The following BIRC6 variants were observed in gnomAD, a reference collection of about 807,000 sequenced individuals.
BIRC6 encodes the protein baculoviral IAP repeat containing 6.
BIRC6 carries 98 observed loss-of-function variants against 503.3 expected under a neutral mutation model. The ratio of observed to expected loss-of-function variants is 0.19; its 90% CI spans 0.17 to 0.23. The LOEUF is 0.23. Among genes scored for constraint, BIRC6 ranks in the 10% least tolerant of loss-of-function variants. The pLI, the probability that BIRC6 is intolerant of heterozygous loss-of-function variation, is 1.00. For missense variants in BIRC6, 5,360 were observed against 5,806.0 expected, an observed-to-expected ratio of 0.92 and a Z score of 2.50; for synonymous variants, 2,240 against 2,078.7, an observed-to-expected ratio of 1.08 and a Z score of -2.11.
chr2:32,421,180 A>G (rs1032796401), intron 10 of BIRC6, among the ~76,000 whole-genome samples: 21 of 146,486 alleles, frequency 1.4e-4, no homozygotes, highest in Non-Finnish European at 2.8e-4. Context: ...GATCTTGGCT[A>G]ACTGCAACCT....
chr2:32,477,864 T>G (rs547872957), intron 35 of BIRC6, among the ~76,000 whole-genome samples: 4 of 152,330 alleles, frequency 2.6e-5, no homozygotes, highest in African/African-American at 9.6e-5. Flanking sequence ...GTTTTTTTAT[T>G]GTGTCTTAAA....
rs1334864350 is a variant in BIRC6 at position 32,453,906 on chromosome 2, A to G, written c.4717A>G (p.Thr1573Ala). 1.2e-6 allele frequency: 2 copies of G among 1,613,592 alleles called. No individual in the cohort carries two copies. The highest frequency in any genetic ancestry group is 4.5e-5 in the East Asian group (2 of 44,854). Residue 1573 changes from threonine (T) to alanine (A), a missense_variant, in exon 23 of 74, where the codon ACT becomes GCT. By Grantham distance (58) the Thr-to-Ala change is moderately conservative. This residue lies in a region of BIRC6 where 2,299 missense variants were observed against 2,267.2 expected (regional missense o/e 1.01). Transcript: ENST00000421745. ...ACCTCTGCACTTTACTTGTGTGTCA[A>G]CTAGTGATGGAACCAGAATAGAAAG... Reference protein sequence around the residue: ...VEPLHFTCVSTSDGTRIERDD... With the variant: ...VEPLHFTCVSASDGTRIERDD...
intron 65 of BIRC6, among the ~76,000 whole-genome samples, chr2:32,550,565 A>T (rs1159513439): frequency 6.6e-6 from 1 of 151,972 alleles, no homozygotes; most frequent in Non-Finnish European, 1.5e-5. Flanking sequence ...TTAATTTTAG[A>T]TTATATAGAA....
intron 40 of BIRC6, among the ~76,000 whole-genome samples, chr2:32,486,414 GCCATCA>G (rs2051000681): frequency 6.6e-6 from 1 of 152,188 alleles, no homozygotes; most frequent in Non-Finnish European, 1.5e-5. Context: ...GCCAGAGCTG[GCCATCA>G]CATTACGGTT....
intron 71 of BIRC6, among the ~76,000 whole-genome samples, chr2:32,605,144 A>G (rs1418681652): frequency 1.3e-5 from 2 of 152,000 alleles, no homozygotes; most frequent in African/African-American, 2.4e-5. Flanking sequence ...CAGCCTCCCA[A>G]AGTGTTAGGA....
At chr2:32,473,965 C>G (rs929715318) in intron 33 of BIRC6, among the ~76,000 whole-genome samples, 46 of 151,672 alleles carry the variant, frequency 3.0e-4, no homozygotes, top group Non-Finnish European at 5.7e-4. Context: ...CTTTGTTGCC[C>G]AGGCTGCTCT....
intron 70 of BIRC6, chr2:32,602,504 G>A (rs1312703515): frequency 6.6e-6 from 1 of 152,300 alleles, no homozygotes; most frequent in African/African-American, 2.4e-5. Context: ...GGAGGAATAG[G>A]TTCTGTTGTT....
intron 47 of BIRC6, among the ~76,000 whole-genome samples, chr2:32,502,508 G>A (rs894501249): frequency 3.3e-5 from 5 of 152,008 alleles, no homozygotes; most frequent in African/African-American, 9.7e-5. Context: ...AAAATACAAA[G>A]GTACTTTAAA....
At chr2:32,439,976 T>C (rs1268569004) in intron 16 of BIRC6, among the ~76,000 whole-genome samples, 1 of 152,184 alleles carries the variant, frequency 6.6e-6, no homozygotes, top group South Asian at 2.1e-4. Context: ...CCTCCCAGAT[T>C]CAAGCCATCC....
chr2:32,481,316 G>A lies in BIRC6; in HGVS notation c.7409-4G>A. On this transcript the variant is annotated splice_region_variant and splice_polypyrimidine_tract_variant and intron_variant, in intron 37 of 73. Coordinates refer to ENST00000421745, the MANE Select transcript of BIRC6 (RefSeq NM_016252.4). ...CCAATAAGATCACTTTTAATTATTT[G>A]AAGGTGCACCTCCTCTGTCCTCTTT... The A allele has an allele frequency of 6.4e-7, 1 of 1,574,360 alleles. No homozygotes were observed. The highest frequency in any genetic ancestry group is 1.2e-5 in the South Asian group (1 of 84,876).
At chr2:32,561,475 A>G (rs1180026161) in intron 65 of BIRC6, among the ~76,000 whole-genome samples, 1 of 151,738 alleles carries the variant, frequency 6.6e-6, no homozygotes. Flanking sequence ...TCTGACCTCA[A>G]ATGATCTGCC....
chr2:32,380,338 A>G (rs1370956182), intron 3 of BIRC6, 48 bp downstream of exon 3: 1 of 1,527,574 alleles, frequency 6.5e-7, no homozygotes, highest in Admixed American at 2.4e-5. Context: ...TACAATGGAC[A>G]CCTCCATTCT....
At position 32,450,829 on chromosome 2, in the gene BIRC6, T is replaced by C. The variant is rs189538131; in HGVS notation, c.4618+1901T>C. Reference sequence around the variant, plus strand: ...CCTTAAATCATTTCTACATCACTTATAATACCTAATACGATGTTAATGCTA... The same window carrying C: ...CCTTAAATCATTTCTACATCACTTACAATACCTAATACGATGTTAATGCTA... On this transcript the variant is annotated intron_variant, in intron 22 of 73. Coordinates refer to ENST00000421745, the MANE Select transcript of BIRC6 (RefSeq NM_016252.4). Among the ~76,000 whole-genome samples, 10 of 152,320 alleles carry C rather than the reference T, an allele frequency of 6.6e-5. No individual in the cohort carries two copies. In the East Asian group the frequency reaches 1.5e-3, roughly 23 times the overall value.
chr2:32,607,616 C>T lies in BIRC6; in HGVS notation c.14232C>T (p.Ile4744=), dbSNP rs56242351. The T allele has an allele frequency of 0.02, 31,602 of 1,610,176 alleles. 436 individuals are homozygous for T. The highest frequency in any genetic ancestry group is 0.024 in the Non-Finnish European group (28,561 of 1,177,832). The part of the protein sequence containing the change: ...ATVKWAMLEQ[I]RNPSPCFKEV... ...TTAAGTGGGCAATGCTAGAACAAAT[C>T]AGAAACCCTTCACCATGTTTTAAAG... Residue 4744 remains isoleucine (I), a synonymous_variant, in exon 72 of 74, where the codon ATC becomes ATT. Coordinates refer to ENST00000421745, the MANE Select transcript of BIRC6 (RefSeq NM_016252.4).
At position 32,357,122 on chromosome 2, in the gene BIRC6, C is replaced by A. The variant is rs2033170537; in HGVS notation, c.-40C>A. ...CCGCGTGCGTGCGGGCGCCTGACTT[C>A]ACTTCCGGCTAACGCGCTCGGCTTG... On this transcript the variant is annotated 5_prime_UTR_variant, in exon 1 of 74. Transcript: ENST00000421745. The surrounding 1 kb of genome is among the most constrained non-coding windows in gnomAD (Gnocchi z 4.9). 4 of 1,439,366 alleles carry A rather than the reference C, an allele frequency of 2.8e-6. No individual in the cohort carries two copies. The highest frequency in any genetic ancestry group is 3.6e-6 in the Non-Finnish European group (4 of 1,107,220). The allele number at this position is 1,439,366 out of a possible 1,614,324, so 89.2% of individuals were successfully genotyped here.
chr2:32,357,253 C>T lies in BIRC6; in HGVS notation c.92C>T (p.Ala31Val). ...CTGAGCGCAGGCCGGAAGATGGCGG[C>T]TGCGGCTGCGGCGGCCTCGGGCCCC... The part of the protein sequence containing the change: ...IVLSAGRKMA[A>V]AAAAASGPGC... Residue 31 changes from alanine to valine, a missense_variant, in exon 1 of 74, where the codon GCT becomes GTT. By Grantham distance (64) the Ala-to-Val change is moderately conservative (BLOSUM62 0). Around this residue, in one of 16 missense-constraint regions of BIRC6, gnomAD observed 145 missense variants for 106.9 expected, o/e 1.36. Coordinates refer to ENST00000421745, the MANE Select transcript of BIRC6 (RefSeq NM_016252.4). The surrounding 1 kb of genome is among the most constrained non-coding windows in gnomAD (Gnocchi z 4.9). The T allele has an allele frequency of 6.6e-7, 1 of 1,522,594 alleles. No individual in the cohort carries two copies. Among genetic ancestry groups the T allele is most frequent in the Non-Finnish European group, 8.8e-7 (1 of 1,138,482 alleles). The allele number at this position is 1,522,594 out of a possible 1,614,324, so 94.3% of individuals were successfully genotyped here.
chr2:32,535,258 C>A (rs2057131532), intron 61 of BIRC6, among the ~76,000 whole-genome samples: 1 of 147,340 alleles, frequency 6.8e-6, no homozygotes, highest in Non-Finnish European at 1.5e-5. Context: ...ACACTAACAA[C>A]TGGCCTTTCA....
intron 65 of BIRC6, among the ~76,000 whole-genome samples, chr2:32,568,811 T>A (rs1342764511): frequency 6.6e-6 from 1 of 150,594 alleles, no homozygotes; most frequent in East Asian, 2.0e-4. Flanking sequence ...GTCATAGCAC[T>A]CCAGTCTGGG....
chr2:32,381,233 T>C (rs1015498789), intron 3 of BIRC6, among the ~76,000 whole-genome samples: 3 of 152,080 alleles, frequency 2.0e-5, no homozygotes, highest in African/African-American at 4.8e-5. Context: ...TATACCTTGC[T>C]TTTTTTCTTT....
Sources: allele counts gnomAD v4.1 joint callset (sites outside exome capture counted in the v4.1 genomes callset), GRCh38; gene constraint gnomAD v4.1.1; regional missense constraint gnomAD v4.1.1; non-coding constraint Gnocchi (gnomAD v3.1); transcripts MANE v1.5; gene names NCBI Gene and HGNC (gene_info 2026-07-23, HGNC 2026-07-21).